Variants in GRIP1 observed in about 807,000 individuals in gnomAD.
GRIP1 encodes glutamate receptor interacting protein 1, also known as glutamate receptor-interacting protein 1.
GRIP1 carries 45 observed loss-of-function variants against 129.9 expected under a neutral mutation model. The ratio of observed to expected loss-of-function variants is 0.35; its 90% CI spans 0.27 to 0.44. The LOEUF is 0.44. GRIP1 is among the 20% of genes least tolerant of loss of function. The pLI is 1.00. For missense variants in GRIP1, 1,196 were observed against 1,396.8 expected, an observed-to-expected ratio of 0.86 and a Z score of 2.29; for synonymous variants, 530 against 520.8, an observed-to-expected ratio of 1.02 and a Z score of -0.24.
At chr12:66,560,644 C>T (rs2062492571) in intron 2 of GRIP1, among the ~76,000 whole-genome samples, 1 of 151,748 alleles carries the variant, frequency 6.6e-6, no homozygotes, top group East Asian at 1.9e-4. Context: ...AACATCTCAC[C>T]CCAGTTAAAA....
At chr12:66,558,024 TTTAAAG>T (rs558820030) in intron 2 of GRIP1, among the ~76,000 whole-genome samples, 35 of 152,276 alleles carry the variant, frequency 2.3e-4, no homozygotes, top group African/African-American at 8.2e-4. Flanking sequence ...GTTTCTTTTC[TTTAAAG>T]TTAGTTTTTT....
chr12:66,667,136 C>T (rs902140826), intron 1 of GRIP1, among the ~76,000 whole-genome samples: 11 of 152,250 alleles, frequency 7.2e-5, no homozygotes, highest in Admixed American at 6.5e-4. Flanking sequence ...CCCCTTTTCT[C>T]GTCTGCTCTC....
chr12:66,756,349 T>G (rs1704614087), intron 1 of GRIP1, among the ~76,000 whole-genome samples: 1 of 152,212 alleles, frequency 6.6e-6, no homozygotes, highest in South Asian at 2.1e-4. Context: ...ATATCCCCAA[T>G]GAAGCATTGG....
intron 7 of GRIP1, among the ~76,000 whole-genome samples, chr12:66,496,521 A>G (rs1406261480): frequency 6.6e-6 from 1 of 152,196 alleles, no homozygotes; most frequent in Non-Finnish European, 1.5e-5. Context: ...GTGCTTCCCA[A>G]TATTCAAAGA....
intron 1 of GRIP1, among the ~76,000 whole-genome samples, chr12:66,844,917 CAT>C (rs2039786642): frequency 6.6e-6 from 1 of 152,038 alleles, no homozygotes; most frequent in African/African-American, 2.4e-5. Flanking sequence ...TAGTCAAATT[CAT>C]AGAGACAGAA....
intron 2 of GRIP1, among the ~76,000 whole-genome samples, chr12:66,569,497 T>C (rs1185410601): frequency 1.1e-4 from 17 of 152,046 alleles, no homozygotes. Context: ...GAAGTTAACT[T>C]TCCTGTCAAA....
At chr12:67,023,041 A>G (rs1378072646) in intron 1 of GRIP1, among the ~76,000 whole-genome samples, 1 of 152,160 alleles carries the variant, frequency 6.6e-6, no homozygotes, top group Admixed American at 6.6e-5. Context: ...AGAGTTCTTT[A>G]TATATCTAGA....
intron 2 of GRIP1, among the ~76,000 whole-genome samples, chr12:66,582,632 A>G (rs925605292): frequency 7.2e-6 from 1 of 138,880 alleles, no homozygotes; most frequent in African/African-American, 2.7e-5. Flanking sequence ...AGAGAGCCAA[A>G]TCATGAGTGA....
At chr12:66,475,165 C>A (rs2059566622) in intron 7 of GRIP1, among the ~76,000 whole-genome samples, 1 of 152,072 alleles carries the variant, frequency 6.6e-6, no homozygotes, top group African/African-American at 2.4e-5. Context: ...CAAAAAAAGG[C>A]AGGGGTTGCA....
chr12:66,716,787 G>T (rs547162634), intron 1 of GRIP1, among the ~76,000 whole-genome samples: 26 of 152,148 alleles, frequency 1.7e-4, no homozygotes, highest in African/African-American at 6.3e-4. Flanking sequence ...GAAAATCGAG[G>T]TGGCAGGTGG....
rs757506882 is a variant in GRIP1, at chr12:66,932,600, TAA to T, written c.58+136448_58+136449del. Among the ~76,000 whole-genome samples the T allele has an allele frequency of 2.1e-3, 307 of 143,218 alleles. 1 individual carries two copies. Among genetic ancestry groups the T allele is most frequent in the African/African-American group, 7.5e-3 (296 of 39,298 alleles). 94.0% of individuals were successfully genotyped at this position (143,218 alleles called of 152,430 possible). ...AAGTGAGCAGAAGGATAGGATTATT[TAA>T]AAAAAAAAAAAAATTCCGAGGAGCT... On this transcript the variant is annotated intron_variant, in intron 1 of 1. Transcript: ENST00000643019.
chr12:66,357,001 T>A (rs987646689), intron 23 of GRIP1, among the ~76,000 whole-genome samples: 2 of 152,154 alleles, frequency 1.3e-5, no homozygotes, highest in African/African-American at 2.4e-5. Flanking sequence ...CTCAGCCACC[T>A]GAGTATCTGG....
intron 1 of GRIP1, among the ~76,000 whole-genome samples, chr12:66,845,092 G>C (rs532973416): frequency 6.6e-6 from 1 of 152,112 alleles, no homozygotes; most frequent in Admixed American, 6.6e-5. Context: ...AAATGGTTAA[G>C]ATAGCAAATT....
chr12:66,801,757 C>T (rs73130850), intron 1 of GRIP1, among the ~76,000 whole-genome samples: 14,431 of 152,066 alleles, frequency 0.095, 796 homozygotes, highest in Admixed American at 0.16. Context: ...AAGTTTCTTT[C>T]AAGAAGTAAA....
intron 1 of GRIP1, among the ~76,000 whole-genome samples, chr12:66,736,315 G>C (rs1434444969): frequency 1.5e-5 from 2 of 130,764 alleles, no homozygotes; most frequent in African/African-American, 5.9e-5. Flanking sequence ...AAGTTGTTAG[G>C]ATTACAGGTG....
intron 1 of GRIP1, among the ~76,000 whole-genome samples, chr12:67,046,080 G>A (rs1366846129): frequency 6.6e-6 from 1 of 152,176 alleles, no homozygotes; most frequent in African/African-American, 2.4e-5. Flanking sequence ...ATCTCACAGA[G>A]AATACAGCTG....
intron 11 of GRIP1, among the ~76,000 whole-genome samples, chr12:66,452,768 C>T (rs1252651598): frequency 1.3e-5 from 2 of 152,072 alleles, no homozygotes; most frequent in Non-Finnish European, 2.9e-5. Context: ...GGCAATAAAA[C>T]TTTTATTATC....
intron 1 of GRIP1, among the ~76,000 whole-genome samples, chr12:66,700,753 G>T (rs1331073742): frequency 6.6e-6 from 1 of 152,172 alleles, no homozygotes; most frequent in African/African-American, 2.4e-5. Flanking sequence ...GCCTGAACCA[G>T]GATGCTGGTA....
At chr12:66,874,756 A>G (rs1054493685) in intron 1 of GRIP1, among the ~76,000 whole-genome samples, 9 of 151,962 alleles carry the variant, frequency 5.9e-5, no homozygotes, top group Non-Finnish European at 1.0e-4. Flanking sequence ...CATTCATGAG[A>G]ATTTTTCCCC....
Sources: allele counts gnomAD v4.1 joint callset (sites outside exome capture counted in the v4.1 genomes callset), GRCh38; gene constraint gnomAD v4.1.1; transcripts MANE v1.5; gene names NCBI Gene and HGNC (gene_info 2026-07-23, HGNC 2026-07-21).